The following C10orf143 variants were observed in gnomAD, a reference collection of about 807,000 sequenced individuals.
C10orf143 encodes uncharacterized protein C10orf143.
intron 1 of C10orf143, among the ~76,000 whole-genome samples, chr10:130,083,322 T>A (rs1200976224): frequency 1.3e-5 from 2 of 152,184 alleles, no homozygotes; most frequent in Admixed American, 6.5e-5. Flanking sequence ...GCTTTGCTGG[T>A]GAGAATGCAA....
chr10:130,078,451 G>C (rs1861155781), intron 3 of C10orf143, among the ~76,000 whole-genome samples: 1 of 152,144 alleles, frequency 6.6e-6, no homozygotes, highest in South Asian at 2.1e-4. Flanking sequence ...ACAGTTACAT[G>C]AATCAACATA....
intron 3 of C10orf143, among the ~76,000 whole-genome samples, chr10:130,041,832 C>CACAT (rs398069924): frequency 6.6e-6 from 1 of 151,744 alleles, no homozygotes; most frequent in Non-Finnish European, 1.5e-5. Flanking sequence ...CACACACACA[C>CACAT]ATGCATGTAC....
At chr10:130,075,318 T>C (rs1316458831) in intron 3 of C10orf143, among the ~76,000 whole-genome samples, 1 of 152,160 alleles carries the variant, frequency 6.6e-6, no homozygotes, top group Non-Finnish European at 1.5e-5. Flanking sequence ...TTAACTTTCA[T>C]GTCCAGGCTC....
rs1860793094 is a variant in C10orf143, at chr10:130,056,210, T to C, written c.298-20240A>G. 6.6e-6 allele frequency among the ~76,000 whole-genome samples: 1 copy of C among 152,192 alleles called. No individual in the cohort carries two copies. The highest frequency in any genetic ancestry group is 6.5e-5 in the Admixed American group (1 of 15,280). The stretch of plus-strand genomic sequence containing the variant: ...AAAACATCACCGTGTATTTAGTAAA[T>C]GTGCAATTAACCCTTACCGACCCTA... On this transcript the variant is annotated intron_variant and NMD_transcript_variant, in intron 3 of 5. Coordinates refer to the C10orf143 transcript ENST00000643056. The surrounding 1 kb of genome is among the most constrained non-coding windows in gnomAD (Gnocchi z 4.6).
chr10:130,094,678 C>G (rs1414846279), intron 1 of C10orf143, among the ~76,000 whole-genome samples: 1 of 152,122 alleles, frequency 6.6e-6, no homozygotes, highest in African/African-American at 2.4e-5. Flanking sequence ...ATTCACCAGC[C>G]CTTCATGCTA....
chr10:130,108,160 T>A (rs1291416849), intron 1 of C10orf143: 1 of 1,575,628 alleles, frequency 6.3e-7, no homozygotes, highest in Admixed American at 1.7e-5. Flanking sequence ...TTCCAGTGGA[T>A]ACAAGGGGCC....
chr10:130,060,415 T>C (rs1190964709), downstream of C10orf143, among the ~76,000 whole-genome samples: 1 of 152,214 alleles, frequency 6.6e-6, no homozygotes, highest in Admixed American at 6.5e-5. Context: ...TGGGTAAATG[T>C]AGCATTTCCA....
chr10:130,088,748 C>A (rs114017585), intron 1 of C10orf143, among the ~76,000 whole-genome samples: 1 of 152,178 alleles, frequency 6.6e-6, no homozygotes, highest in Non-Finnish European at 1.5e-5. Flanking sequence ...ATTGAGAAGG[C>A]GCCACAGATT....
chr10:130,052,996 G>A (rs1028791181), intron 3 of C10orf143, among the ~76,000 whole-genome samples: 2 of 152,222 alleles, frequency 1.3e-5, no homozygotes, highest in African/African-American at 4.8e-5. Flanking sequence ...TGTATACAGA[G>A]GAACTATGGG....
At chr10:130,092,018 C>T (rs1227163504) in intron 1 of C10orf143, among the ~76,000 whole-genome samples, 1 of 152,138 alleles carries the variant, frequency 6.6e-6, no homozygotes, top group East Asian at 1.9e-4. Flanking sequence ...AAAACTTACC[C>T]AACCTAGCAA....
At chr10:130,088,813 A>C (rs1472749799) in intron 1 of C10orf143, among the ~76,000 whole-genome samples, 2 of 152,128 alleles carry the variant, frequency 1.3e-5, no homozygotes, top group Non-Finnish European at 2.9e-5. Flanking sequence ...TTCCTATGAC[A>C]TTTTCATTTG....
rs547269845 is a variant in C10orf143, at chr10:130,107,912, G to A, written c.69+2792C>T. On this transcript the variant is annotated intron_variant, in intron 1 of 3. Coordinates refer to ENST00000637128, the MANE Select transcript of C10orf143 (RefSeq NM_001355042.2). The stretch of plus-strand genomic sequence containing the variant: ...TTCAGCTCTTCCTCCACAAAGGCAA[G>A]ACAGATTTTATTCTAACTCTGGTGG... 8 of 1,359,664 alleles carry A rather than the reference G, an allele frequency of 5.9e-6. No individual in the cohort carries two copies. The South Asian group carries it at 9.3e-5, about 16-fold the overall frequency. 84.2% of individuals were successfully genotyped at this position (1,359,664 alleles called of 1,614,324 possible).
chr10:130,059,688 G>T (rs779255860), downstream of C10orf143, among the ~76,000 whole-genome samples: 2 of 152,148 alleles, frequency 1.3e-5, no homozygotes, highest in Non-Finnish European at 2.9e-5. Context: ...TATAATTAGC[G>T]AAATCAGCAC....
rs374252326 is a variant in C10orf143, at chr10:130,046,473, C to T, written c.298-10503G>A. 6.6e-5 allele frequency among the ~76,000 whole-genome samples: 10 copies of T among 152,254 alleles called. No individual in the cohort carries two copies. In the South Asian group the frequency reaches 1.5e-3, roughly 22 times the overall value. ...GTGACATAAAAAGACCACCTACAGA[C>T]GAGACAATGCTGCCGTAAGAGTCTC... On this transcript the variant is annotated intron_variant and NMD_transcript_variant, in intron 3 of 5. Transcript: ENST00000643056.
At position 130,082,058 on chromosome 10, in the gene C10orf143, A is replaced by C. The variant is rs185913040; in HGVS notation, c.70-2157T>G. Among the ~76,000 whole-genome samples, 10 of 152,206 alleles carry C rather than the reference A, an allele frequency of 6.6e-5. 1 individual carries two copies. The highest frequency in any genetic ancestry group is 2.2e-4 in the African/African-American group (9 of 41,538). On this transcript the variant is annotated intron_variant, in intron 1 of 3. Coordinates refer to ENST00000637128, the MANE Select transcript of C10orf143 (RefSeq NM_001355042.2). Reference sequence around the variant, plus strand: ...ACTCCATAATTAAACACAGTGGCACACAAGGAGACAAACAGACCAGTGTGG... The same window carrying C: ...ACTCCATAATTAAACACAGTGGCACCCAAGGAGACAAACAGACCAGTGTGG...
At chr10:130,083,005 A>G (rs1454926246) in intron 1 of C10orf143, among the ~76,000 whole-genome samples, 1 of 152,206 alleles carries the variant, frequency 6.6e-6, no homozygotes, top group Admixed American at 6.5e-5. Flanking sequence ...AACTGATAAA[A>G]GGGGAAGAAA....
chr10:130,036,658 A>G (rs1431580501), intron 3 of C10orf143, among the ~76,000 whole-genome samples: 2 of 152,208 alleles, frequency 1.3e-5, no homozygotes, highest in Non-Finnish European at 2.9e-5. Context: ...AGGGAAGCCC[A>G]CATGGCTTGG....
chr10:130,107,037 GA>G (rs1861661921), intron 1 of C10orf143: 1 of 1,385,088 alleles, frequency 7.2e-7, no homozygotes, highest in East Asian at 2.3e-5. Flanking sequence ...GAAGGAGAAA[GA>G]AACCAAATTT....
chr10:130,067,021 T>C (rs1406947281), intron 3 of C10orf143: 1 of 152,214 alleles, frequency 6.6e-6, no homozygotes, highest in Non-Finnish European at 1.5e-5. Context: ...GAACGATGTT[T>C]GTGAAGAGGG....
Sources: allele counts gnomAD v4.1 joint callset (sites outside exome capture counted in the v4.1 genomes callset), GRCh38; gene constraint gnomAD v4.1.1; non-coding constraint Gnocchi (gnomAD v3.1); transcripts MANE v1.5; gene names NCBI Gene and HGNC (gene_info 2026-07-23, HGNC 2026-07-21).